The following MOSPD1 variants were observed in gnomAD, a reference collection of about 807,000 sequenced individuals.
The protein encoded by MOSPD1 is motile sperm domain-containing protein 1.
In MOSPD1, 5 loss-of-function variants were observed where a neutral mutation model predicts 16.7. The observed-to-expected ratio is 0.30, with a 90% CI of 0.16 to 0.63. The LOEUF is 0.63. Among genes scored for constraint, MOSPD1 ranks in the 30% least tolerant of loss-of-function variants. The probability of loss-of-function intolerance (pLI) is 0.82; values close to 1 mark genes in which losing one functional copy is unlikely to be tolerated. For missense variants in MOSPD1, 104 were observed against 153.6 expected, an observed-to-expected ratio of 0.68 and a Z score of 1.71; for synonymous variants, 67 against 59.2, an observed-to-expected ratio of 1.13 and a Z score of -0.61.
intron 3 of MOSPD1, among the ~76,000 whole-genome samples, chrX:134,897,717 C>A (rs770439783): frequency 1.2e-4 from 13 of 107,109 alleles, no homozygotes; most frequent in African/African-American, 4.1e-4. Context: ...ATTGTTTAGG[C>A]AACAAACCTC....
chrX:134,910,125 C>A (rs955815387), intron 1 of MOSPD1, among the ~76,000 whole-genome samples: 1 of 111,424 alleles, frequency 9.0e-6, no homozygotes, highest in African/African-American at 3.3e-5. Context: ...AATTCATGGC[C>A]GGGCGCAGTG....
At chrX:134,894,170 T>C (rs776696304) in intron 4 of MOSPD1, among the ~76,000 whole-genome samples, 71 of 112,415 alleles carry the variant, frequency 6.3e-4, no homozygotes, top group African/African-American at 2.3e-3. Context: ...GGAACACTTA[T>C]ATAAGCAGAT....
intron 1 of MOSPD1, among the ~76,000 whole-genome samples, chrX:134,914,324 T>A (rs1274295630): frequency 9.0e-6 from 1 of 111,661 alleles, no homozygotes; most frequent in Non-Finnish European, 1.9e-5. Context: ...GTCAATTACT[T>A]TCTTTCAAAG....
In MOSPD1 at chrX:134,897,012, G is replaced by C. The variant is rs2082888126; in HGVS notation, c.253C>G (p.Arg85Gly). The C allele has an allele frequency of 2.5e-6, 3 of 1,199,209 alleles. No homozygotes were observed. The highest frequency in any genetic ancestry group is 2.2e-5 in the Admixed American group (1 of 44,906). The change falls in exon 4 of 6, where the codon CGA (arginine) becomes GGA (glycine). Residue 85 changes from arginine (R) to glycine (G), a missense_variant. Coordinates refer to ENST00000370783, the MANE Select transcript of MOSPD1 (RefSeq NM_019556.3). ...VDIVIRHRDV[R>G]SCHYGVIDKF... Reference sequence around the variant, plus strand: ...TCTATTACACCATAGTGACAGGATCGAACATCTCGATGACGAATCACACTG... The same window carrying C: ...TCTATTACACCATAGTGACAGGATCCAACATCTCGATGACGAATCACACTG...
intron 1 of MOSPD1, among the ~76,000 whole-genome samples, chrX:134,905,385 AAAG>A (rs1228698900): frequency 1.8e-5 from 2 of 108,209 alleles, no homozygotes; most frequent in African/African-American, 6.8e-5. Flanking sequence ...AAAAAAAAAA[AAAG>A]GGGAGATAAG....
chrX:134,894,047 A>G (rs2082874940), intron 4 of MOSPD1, among the ~76,000 whole-genome samples: 1 of 111,569 alleles, frequency 9.0e-6, no homozygotes, highest in African/African-American at 3.2e-5. Context: ...ATGAAAGTAT[A>G]CTTTGTAGGT....
chrX:134,910,757 T>C (rs1352968458), intron 1 of MOSPD1, among the ~76,000 whole-genome samples: 1 of 111,558 alleles, frequency 9.0e-6, no homozygotes, highest in African/African-American at 3.3e-5. Flanking sequence ...AAACAGCAAA[T>C]ATGGGGAGAG....
At chrX:134,898,345 G>A (rs149138585) in intron 3 of MOSPD1, among the ~76,000 whole-genome samples, 169 of 112,223 alleles carry the variant, frequency 1.5e-3, no homozygotes, top group African/African-American at 5.2e-3. Flanking sequence ...TTTTAAAAAT[G>A]TGCAAAAACG....
At chrX:134,912,736 G>A (rs749057337) in intron 1 of MOSPD1, among the ~76,000 whole-genome samples, 1 of 106,366 alleles carries the variant, frequency 9.4e-6, no homozygotes, top group South Asian at 4.3e-4. Context: ...TCAGGAGATC[G>A]AGACCATCCT....
intron 1 of MOSPD1, among the ~76,000 whole-genome samples, chrX:134,905,061 T>C (rs2082934230): frequency 1.9e-5 from 2 of 107,203 alleles, no homozygotes; most frequent in Non-Finnish European, 3.9e-5. Context: ...CTGCCATTTG[T>C]ATAAAAAGGG....
At chrX:134,899,809 T>A (rs188997031) in intron 1 of MOSPD1, 96 of 117,164 alleles carry the variant, frequency 8.2e-4, no homozygotes, top group African/African-American at 3.0e-3. Context: ...AATACAAAAA[T>A]TAGCTGGGTG....
At chrX:134,912,804 T>C (rs1162308015) in intron 1 of MOSPD1, among the ~76,000 whole-genome samples, 1 of 109,083 alleles carries the variant, frequency 9.2e-6, no homozygotes, top group African/African-American at 3.3e-5. Flanking sequence ...CTGGGCGTGG[T>C]GGCAGGCGCC....
At chrX:134,892,128 C>T (rs1239157212) in intron 4 of MOSPD1, among the ~76,000 whole-genome samples, 2 of 111,838 alleles carry the variant, frequency 1.8e-5, no homozygotes, top group African/African-American at 6.5e-5. Context: ...GCCTGCCACA[C>T]TAGACCTCCA....
At chrX:134,894,798 A>G (rs906720451) in intron 4 of MOSPD1, among the ~76,000 whole-genome samples, 2 of 111,863 alleles carry the variant, frequency 1.8e-5, no homozygotes, top group African/African-American at 6.5e-5. Context: ...CCTGAAGTCC[A>G]GCCTTCCTAG....
At chrX:134,894,979 T>C (rs1021332841) in intron 4 of MOSPD1, among the ~76,000 whole-genome samples, 1 of 112,327 alleles carries the variant, frequency 8.9e-6, no homozygotes, top group African/African-American at 3.2e-5. Context: ...TATGCTAGCA[T>C]CACCTATCCT....
chrX:134,894,366 T>C (rs1202771138), intron 4 of MOSPD1, among the ~76,000 whole-genome samples: 4 of 112,123 alleles, frequency 3.6e-5, no homozygotes, highest in Non-Finnish European at 5.6e-5. Context: ...GCTGCACCTC[T>C]AATACTTTAA....
At chrX:134,898,897 C>T (rs913568970) in intron 3 of MOSPD1, 193 bp downstream of exon 3, 3 of 392,814 alleles carry the variant, frequency 7.6e-6, no homozygotes, top group Admixed American at 9.2e-5. Flanking sequence ...TGAGCTCCAA[C>T]GTAATAAAAT....
At chrX:134,915,109 C>CT (rs1388570861) in intron 1 of MOSPD1, 73 bp downstream of exon 1, 1 of 113,196 alleles carries the variant, frequency 8.8e-6, no homozygotes, top group Non-Finnish European at 1.9e-5. Flanking sequence ...TGGCGGGGGG[C>CT]TCTCAGCCAC....
At chrX:134,906,814 T>C (rs1287157891) in intron 1 of MOSPD1, among the ~76,000 whole-genome samples, 1 of 111,907 alleles carries the variant, frequency 8.9e-6, no homozygotes, top group Non-Finnish European at 1.9e-5. Context: ...ATTTGACAGA[T>C]GTGGGAAGCA....
Sources: gnomAD v4.1 joint callset for allele counts (sites outside exome capture counted in the v4.1 genomes callset) on GRCh38, gnomAD v4.1.1 for gene constraint, MANE v1.5 for transcripts, NCBI Gene and HGNC (gene_info 2026-07-23, HGNC 2026-07-21) for gene names.